TMEM117: variants seen among roughly 807,000 people sequenced by gnomAD.
The protein encoded by TMEM117 is transmembrane protein 117.
In TMEM117, 27 loss-of-function variants were observed where a neutral mutation model predicts 52.4. That is an observed-to-expected ratio of 0.51 (90% CI 0.38 to 0.71). The LOEUF (loss-of-function observed/expected upper bound fraction) is 0.71, where lower values mean the gene tolerates loss of function less well. Among genes scored for constraint, TMEM117 ranks in the 30% least tolerant of loss-of-function variants. The pLI is 0.00. For synonymous variants in TMEM117, 215 were observed against 206.3 expected (o/e 1.04, Z -0.36); for missense variants, 556 against 630.5 (o/e 0.88, Z 1.26).
the TMEM117 span, among the ~76,000 whole-genome samples, chr12:44,396,470 T>TG: frequency 7.2e-3 from 1,099 of 151,920 alleles, 12 homozygotes; most frequent in African/African-American, 0.025. Context: ...TGACTTGGTG[T>TG]GGGGGGGAGG....
intron 2 of TMEM117, among the ~76,000 whole-genome samples, chr12:43,848,353 C>G (rs1943247532): frequency 6.6e-6 from 1 of 152,062 alleles, no homozygotes; most frequent in Non-Finnish European, 1.5e-5. Context: ...TTATCTCAGT[C>G]CTTATCTCAA....
intron 6 of TMEM117, among the ~76,000 whole-genome samples, chr12:44,335,015 A>T (rs1951322634): frequency 6.6e-6 from 1 of 152,056 alleles, no homozygotes; most frequent in Non-Finnish European, 1.5e-5. Context: ...GCCTCCAGAA[A>T]TTGTCATGGA....
At chr12:44,180,510 C>G (rs17094180) in intron 4 of TMEM117, among the ~76,000 whole-genome samples, 7 of 118,038 alleles carry the variant, frequency 5.9e-5, no homozygotes, top group African/African-American at 1.9e-4. Flanking sequence ...CCCCTCCCCC[C>G]ACCCCACAAC....
At chr12:44,131,508 C>T (rs1220579080) in intron 3 of TMEM117, among the ~76,000 whole-genome samples, 2 of 152,078 alleles carry the variant, frequency 1.3e-5, no homozygotes, top group Non-Finnish European at 2.9e-5. Context: ...AGAGTTTGCT[C>T]ATCCTCTTAT....
chr12:43,870,660 G>C (rs577244013), intron 2 of TMEM117, among the ~76,000 whole-genome samples: 1 of 152,242 alleles, frequency 6.6e-6, no homozygotes, highest in Non-Finnish European at 1.5e-5. Flanking sequence ...GGGTTGAGTG[G>C]TATTTCTGCC....
intron 7 of TMEM117, 84 bp from the exon 8 acceptor site, chr12:44,387,942 T>C: frequency 3.3e-6 from 4 of 1,199,956 alleles, no homozygotes; most frequent in East Asian, 2.4e-5. Flanking sequence ...GATGTTATTA[T>C]ACCATTATCC....
chr12:44,051,170 A>AGG (rs780655143), intron 3 of TMEM117, among the ~76,000 whole-genome samples: 81 of 152,212 alleles, frequency 5.3e-4, no homozygotes, highest in Non-Finnish European at 1.1e-3. Context: ...GTATAGACAT[A>AGG]CACATGGATG....
At chr12:44,146,668 A>G (rs1948646673) in intron 4 of TMEM117, among the ~76,000 whole-genome samples, 1 of 152,196 alleles carries the variant, frequency 6.6e-6, no homozygotes, top group Non-Finnish European at 1.5e-5. Context: ...ATATGTCTAC[A>G]TATGTGTATA....
chr12:44,175,133 C>G (rs910841967), intron 4 of TMEM117, among the ~76,000 whole-genome samples: 3 of 152,074 alleles, frequency 2.0e-5, no homozygotes, highest in African/African-American at 7.3e-5. Flanking sequence ...CAGATTTTAT[C>G]ACTACTTTGG....
chr12:44,203,072 G>A (rs1299144621), intron 4 of TMEM117, among the ~76,000 whole-genome samples: 3 of 151,594 alleles, frequency 2.0e-5, no homozygotes, highest in Non-Finnish European at 4.4e-5. Flanking sequence ...TGGGATTACA[G>A]GGGTGAGCCA....
intron 2 of TMEM117, among the ~76,000 whole-genome samples, chr12:43,858,770 AAG>A (rs1943440829): frequency 6.6e-6 from 1 of 152,162 alleles, no homozygotes; most frequent in Non-Finnish European, 1.5e-5. Flanking sequence ...TATCTCAGGG[AAG>A]AGTGTCTTTT....
intron 5 of TMEM117, among the ~76,000 whole-genome samples, chr12:44,249,492 G>A (rs889727395): frequency 5.9e-5 from 9 of 152,012 alleles, no homozygotes; most frequent in South Asian, 2.1e-4. Flanking sequence ...AAAAAACTAC[G>A]TTAAATTTCA....
chr12:43,984,127 G>C (rs1374797367), intron 3 of TMEM117, among the ~76,000 whole-genome samples: 1 of 152,070 alleles, frequency 6.6e-6, no homozygotes, highest in Non-Finnish European at 1.5e-5. Context: ...CAGCACTTTG[G>C]GAGGCCTAGG....
chr12:44,360,432 G>A lies in TMEM117; in HGVS notation c.769-16163G>A, dbSNP rs1308409582. Among the ~76,000 whole-genome samples the A allele has an allele frequency of 2.6e-5, 4 of 151,842 alleles. No homozygotes were observed. The East Asian group carries it at 5.8e-4, about 22-fold the overall frequency. Reference sequence around the variant, plus strand: ...TCTGCTAAAAATACAAAAATTAGCCGGGTGTGGTGGTGTAGTCCCAGCTAC... The same window carrying A: ...TCTGCTAAAAATACAAAAATTAGCCAGGTGTGGTGGTGTAGTCCCAGCTAC... On this transcript the variant is annotated intron_variant, in intron 6 of 7. Coordinates refer to ENST00000266534, the MANE Select transcript of TMEM117 (RefSeq NM_032256.3).
Position 44,053,361 on chromosome 12 carries a change from C to T in TMEM117, c.411-90164C>T, listed in dbSNP as rs77736282. Among the ~76,000 whole-genome samples, 1,187 of 152,242 alleles carry T rather than the reference C, an allele frequency of 7.8e-3. 21 individuals carry two copies. The highest frequency in any genetic ancestry group is 0.029 in the Admixed American group (436 of 15,280). On this transcript the variant is annotated intron_variant, in intron 3 of 7. Transcript: ENST00000266534. ...CAGCCAGATGAAGAGATACTCAGCGCAGCAAGGTCTGGAGGGGTCCTGGGT... is the reference window on the plus strand; with the variant it reads ...CAGCCAGATGAAGAGATACTCAGCGTAGCAAGGTCTGGAGGGGTCCTGGGT...
chr12:43,893,671 T>G (rs185958317), intron 2 of TMEM117, among the ~76,000 whole-genome samples: 125 of 152,334 alleles, frequency 8.2e-4, no homozygotes, highest in African/African-American at 2.3e-3. Flanking sequence ...AACCACCTTT[T>G]CATGAACCTT....
chr12:44,289,587 C>T (rs556585461), intron 5 of TMEM117, among the ~76,000 whole-genome samples: 10 of 133,530 alleles, frequency 7.5e-5, no homozygotes, highest in African/African-American at 2.3e-4. Flanking sequence ...GAGTCTCCCT[C>T]TGTTACCTAG....
chr12:43,891,367 A>ATTGTTTTTTTTTTT (rs1944100316), intron 2 of TMEM117, among the ~76,000 whole-genome samples: 1 of 57,804 alleles, frequency 1.7e-5, no homozygotes, highest in Admixed American at 3.3e-4. Flanking sequence ...TACCTCTTGA[A>ATTGTTTTTTTTTTT]TTTTTTTTTT....
chr12:44,133,983 G>A (rs1948452838), intron 3 of TMEM117, among the ~76,000 whole-genome samples: 1 of 152,094 alleles, frequency 6.6e-6, no homozygotes, highest in Non-Finnish European at 1.5e-5. Flanking sequence ...TTGGTCTTCA[G>A]AAATGCAGCC....
Sources: allele counts gnomAD v4.1 joint callset (sites outside exome capture counted in the v4.1 genomes callset), GRCh38; gene constraint gnomAD v4.1.1; transcripts MANE v1.5; gene names NCBI Gene and HGNC (gene_info 2026-07-23, HGNC 2026-07-21).